Variants in C3orf70 observed in about 807,000 individuals in gnomAD.
The protein encoded by C3orf70 is UPF0524 protein C3orf70.
A neutral mutation model predicts 20.7 loss-of-function variants in C3orf70; 15 were observed. That is an observed-to-expected ratio of 0.72 (90% confidence interval 0.48 to 1.11). C3orf70 has a LOEUF of 1.11. Ranked by LOEUF, C3orf70 falls within the 50% of genes most tolerant of loss-of-function variation. C3orf70 has a pLI of 0.00. For missense variants in C3orf70, 332 were observed against 317.6 expected (o/e 1.05, Z -0.34); for synonymous variants, 161 against 125.7 (o/e 1.28, Z -1.88).
At position 185,082,710 on chromosome 3, in the gene C3orf70, C is replaced by A. The variant is rs756606694; in HGVS notation, c.*297G>T. 1 of 334,022 alleles carries A rather than the reference C, an allele frequency of 3.0e-6. No individual in the cohort carries two copies. The highest frequency in any genetic ancestry group is 5.5e-6 in the Non-Finnish European group (1 of 182,302). The allele number at this position is 334,022 out of a possible 1,614,324, so 20.7% of individuals were successfully genotyped here. A position where few individuals can be genotyped will look rare whatever the true frequency, so the allele number is the denominator to read the frequency against. ...CAATCTGATCCAAGATTCTCTGCGA[C>A]CATCACTTCACCGCCTTCAAATCTC... On this transcript the variant is annotated 3_prime_UTR_variant, in exon 2 of 2. Coordinates refer to ENST00000335012, the MANE Select transcript of C3orf70 (RefSeq NM_001025266.3).
chr3:185,105,031 G>A (rs181625383), intron 1 of C3orf70, among the ~76,000 whole-genome samples: 54 of 152,298 alleles, frequency 3.5e-4, no homozygotes, highest in African/African-American at 1.3e-3. Context: ...AAGATTACCA[G>A]ACATATCAAA....
chr3:185,101,033 G>A (rs544342226), intron 1 of C3orf70, among the ~76,000 whole-genome samples: 42 of 151,868 alleles, frequency 2.8e-4, no homozygotes, highest in African/African-American at 6.8e-4. Context: ...AAATTTAATC[G>A]GTAATAAATA....
In C3orf70 at chr3:185,082,042, T is replaced by G. The variant is rs1213616055; in HGVS notation, c.*965A>C. ...TAAGATGTCAGATGTGGCTGCCACC[T>G]AAATGTGATACCTATATAACTTCCT... On this transcript the variant is annotated 3_prime_UTR_variant, in exon 2 of 2. Transcript: ENST00000335012. 6.6e-6 allele frequency: 1 copy of G among 152,208 alleles called. No individual in the cohort carries two copies. Among genetic ancestry groups the G allele is most frequent in the African/African-American group, 2.4e-5 (1 of 41,452 alleles). 9.4% of individuals were successfully genotyped at this position (152,208 alleles called of 1,614,324 possible).
intron 1 of C3orf70, among the ~76,000 whole-genome samples, chr3:185,140,174 A>G (rs1716722241): frequency 6.6e-6 from 1 of 152,256 alleles, no homozygotes; most frequent in African/African-American, 2.4e-5. Flanking sequence ...TGTAAAACCC[A>G]GTCATACGTG....
intron 1 of C3orf70, among the ~76,000 whole-genome samples, chr3:185,092,942 G>A (rs1040641238): frequency 1.3e-4 from 19 of 147,438 alleles, no homozygotes; most frequent in African/African-American, 4.5e-4. Context: ...AGTGAGCCAA[G>A]ATCGTGCTAC....
Position 185,082,894 on chromosome 3 carries a change from T to TGGAGC in C3orf70, c.*108_*112dup. ...CCACTGAACTGCTACGGTTGTTGGTTGGAGCGGGGCGGGGTGGGTAGAAAA... is the reference window on the plus strand; with the variant it reads ...CCACTGAACTGCTACGGTTGTTGGTTGGAGCGGAGCGGGGCGGGGTGGGTAGAAAA... On this transcript the variant is annotated 3_prime_UTR_variant, in exon 2 of 2. Coordinates refer to ENST00000335012, the MANE Select transcript of C3orf70 (RefSeq NM_001025266.3). 3.9e-6 allele frequency: 4 copies of TGGAGC among 1,021,844 alleles called. No homozygotes were observed. Among genetic ancestry groups the TGGAGC allele is most frequent in the Non-Finnish European group, 5.8e-6 (4 of 688,110 alleles). 63.3% of individuals were successfully genotyped at this position (1,021,844 alleles called of 1,614,324 possible). A position where few individuals can be genotyped will look rare whatever the true frequency, so the allele number is the denominator to read the frequency against.
intron 1 of C3orf70, among the ~76,000 whole-genome samples, chr3:185,114,994 T>C (rs1716146491): frequency 6.6e-6 from 1 of 152,256 alleles, no homozygotes; most frequent in African/African-American, 2.4e-5. Flanking sequence ...GTTTAATTTT[T>C]TATAAAATGA....
intron 1 of C3orf70, among the ~76,000 whole-genome samples, chr3:185,115,230 C>T (rs114812225): frequency 0.013 from 2,018 of 151,782 alleles, 50 homozygotes; most frequent in African/African-American, 0.046. Flanking sequence ...CTTTAAGGTC[C>T]CTTTTATAAT....
rs1188384129 is a variant in C3orf70 at position 185,081,740 on chromosome 3, C to T, written c.*1267G>A. On this transcript the variant is annotated 3_prime_UTR_variant, in exon 2 of 2. Transcript: ENST00000335012. ...TTTGTGCATGTGAGGGGAGAGAACA[C>T]ATACAACAGACAGACTGTGTGGGAA... 6.6e-6 allele frequency: 1 copy of T among 152,620 alleles called. No homozygotes were observed. Among genetic ancestry groups the T allele is most frequent in the Non-Finnish European group, 1.5e-5 (1 of 68,038 alleles). 9.5% of individuals were successfully genotyped at this position (152,620 alleles called of 1,614,324 possible).
At chr3:185,084,035 C>T (rs901068240) in intron 1 of C3orf70, among the ~76,000 whole-genome samples, 3 of 152,012 alleles carry the variant, frequency 2.0e-5, no homozygotes, top group African/African-American at 4.8e-5. Context: ...AAACACAAAA[C>T]GTAGCTGGGC....
chr3:185,148,162 A>G (rs1244734230), intron 1 of C3orf70, among the ~76,000 whole-genome samples: 1 of 152,230 alleles, frequency 6.6e-6, no homozygotes, highest in Non-Finnish European at 1.5e-5. Flanking sequence ...CTCACGCTTC[A>G]TCACAGCTAC....
chr3:185,117,511 A>C (rs547908513), intron 1 of C3orf70, among the ~76,000 whole-genome samples: 6 of 152,166 alleles, frequency 3.9e-5, no homozygotes, highest in Non-Finnish European at 5.9e-5. Context: ...CTGAAGGAAC[A>C]AAAATATGGT....
chr3:185,142,923 A>C (rs947680807), intron 1 of C3orf70, among the ~76,000 whole-genome samples: 1 of 152,200 alleles, frequency 6.6e-6, no homozygotes, highest in Non-Finnish European at 1.5e-5. Context: ...TGGACTCTTC[A>C]AAAAATTCAA....
intron 1 of C3orf70, among the ~76,000 whole-genome samples, chr3:185,094,632 CAG>C (rs542974969): frequency 9.3e-4 from 141 of 151,592 alleles, no homozygotes; most frequent in Non-Finnish European, 1.6e-3. Context: ...CTTTTACGGC[CAG>C]AGTTTTTAGA....
chr3:185,092,400 C>T (rs1305458952), intron 1 of C3orf70, among the ~76,000 whole-genome samples: 6 of 152,170 alleles, frequency 3.9e-5, no homozygotes, highest in East Asian at 3.9e-4. Context: ...GATTCAGTTG[C>T]TTCCATAAAC....
chr3:185,091,968 T>TAA (rs1715600291), intron 1 of C3orf70, among the ~76,000 whole-genome samples: 1 of 28,186 alleles, frequency 3.5e-5, no homozygotes, highest in Non-Finnish European at 8.6e-5. Flanking sequence ...TATATATTTT[T>TAA]TTTTTTTTTT....
intron 1 of C3orf70, among the ~76,000 whole-genome samples, chr3:185,091,963 ATTTTTT>A (rs146504613): frequency 1.3e-3 from 21 of 15,738 alleles, no homozygotes; most frequent in East Asian, 0.012. Context: ...ATATATATAT[ATTTTTT>A]TTTTTTTTTA....
At chr3:185,143,876 A>C (rs1716804346) in intron 1 of C3orf70, among the ~76,000 whole-genome samples, 1 of 152,092 alleles carries the variant, frequency 6.6e-6, no homozygotes, top group Admixed American at 6.6e-5. Context: ...GCTCTCTATT[A>C]TTTGGTATAT....
In C3orf70 at chr3:185,077,263, G is replaced by A. The variant is rs1715214226; in HGVS notation, c.*5744C>T. On this transcript the variant is annotated 3_prime_UTR_variant, in exon 2 of 2. Coordinates refer to ENST00000335012, the MANE Select transcript of C3orf70 (RefSeq NM_001025266.3). Reference sequence around the variant, plus strand: ...CTAGTCTGTGGGAAGGTATCTGCTGGGTTAGGGGGATGGAGTAATGCAGAC... The same window carrying A: ...CTAGTCTGTGGGAAGGTATCTGCTGAGTTAGGGGGATGGAGTAATGCAGAC... Among the ~76,000 whole-genome samples the A allele has an allele frequency of 6.6e-6, 1 of 152,150 alleles. No homozygotes were observed. The highest frequency in any genetic ancestry group is 6.5e-5 in the Admixed American group (1 of 15,280).
Sources: gnomAD v4.1 joint callset for allele counts (sites outside exome capture counted in the v4.1 genomes callset) on GRCh38, gnomAD v4.1.1 for gene constraint, MANE v1.5 for transcripts, NCBI Gene and HGNC (gene_info 2026-07-23, HGNC 2026-07-21) for gene names.